LIPA: variants seen among roughly 807,000 people sequenced by gnomAD.
The protein encoded by LIPA is lipase A, lysosomal acid type, also known as lysosomal acid lipase/cholesteryl ester hydrolase.
LIPA carries 26 observed loss-of-function variants against 40.6 expected under a neutral mutation model. The ratio of observed to expected loss-of-function variants is 0.64; its 90% CI spans 0.47 to 0.89. The LOEUF is 0.89. Ranked by LOEUF, LIPA falls within the 40% of genes least tolerant of loss-of-function variation. LIPA has a pLI of 0.00. For missense variants in LIPA, 455 were observed against 479.6 expected (o/e 0.95, Z 0.48); for synonymous variants, 188 against 168.4 (o/e 1.12, Z -0.90).
Position 89,403,107 on chromosome 10 carries a change from T to G in LIPA, c.61+9684A>C, listed in dbSNP as rs761761913. 1.8e-5 allele frequency: 29 copies of G among 1,614,034 alleles called. No homozygotes were observed. Among genetic ancestry groups the G allele is most frequent in the Non-Finnish European group, 2.4e-5 (28 of 1,180,018 alleles). ...AGCTCTTGAGTTATTAAAAAAGGCC[T>G]TGCAGGAAACACCCACTTCTGTCTT... On this transcript the variant is annotated intron_variant, in intron 2 of 8. Transcript: ENST00000371837.
intron 1 of LIPA, among the ~76,000 whole-genome samples, chr10:89,300,579 G>A (rs764873969): frequency 2.0e-5 from 3 of 152,212 alleles, no homozygotes; most frequent in Non-Finnish European, 2.9e-5. Flanking sequence ...AATATTGTGG[G>A]GCTTGGGGAA....
Position 89,241,496 on chromosome 10 carries a change from G to T in LIPA, c.229+4180C>A, listed in dbSNP as rs145790372. Among the ~76,000 whole-genome samples the T allele has an allele frequency of 2.4e-3, 368 of 152,212 alleles. 3 individuals are homozygous for T. Among genetic ancestry groups the T allele is most frequent in the African/African-American group, 8.6e-3 (359 of 41,524 alleles). ...AAAAATAGTTTCTTTAGAAGTGAAGGATTTTTCTATAAGGAAAGAAAAATC... is the reference window on the plus strand; with the variant it reads ...AAAAATAGTTTCTTTAGAAGTGAAGTATTTTTCTATAAGGAAAGAAAAATC... On this transcript the variant is annotated intron_variant, in intron 3 of 9. Coordinates refer to ENST00000336233, the MANE Select transcript of LIPA (RefSeq NM_000235.4).
intron 2 of LIPA, among the ~76,000 whole-genome samples, chr10:89,410,773 C>T (rs188404525): frequency 1.6e-4 from 24 of 152,254 alleles, no homozygotes; most frequent in East Asian, 5.8e-4. Context: ...TTATTGCACG[C>T]GGTGCAAAAA....
intron 1 of LIPA, among the ~76,000 whole-genome samples, chr10:89,299,014 T>C (rs970977914): frequency 6.6e-5 from 10 of 150,734 alleles, no homozygotes; most frequent in African/African-American, 2.4e-4. Flanking sequence ...ATAATATATA[T>C]GTATATATAA....
intron 1 of LIPA, among the ~76,000 whole-genome samples, chr10:89,287,920 A>G (rs984855601): frequency 1.3e-5 from 2 of 151,352 alleles, no homozygotes. Flanking sequence ...TCCCTCCACA[A>G]CCTCTCCACA....
At chr10:89,394,705 T>C (rs940199092) in intron 2 of LIPA, among the ~76,000 whole-genome samples, 4 of 151,122 alleles carry the variant, frequency 2.6e-5, no homozygotes, top group Non-Finnish European at 5.9e-5. Flanking sequence ...TTTATCATTT[T>C]AATTACTTTA....
At chr10:89,400,602 G>T (rs1337760377) in intron 2 of LIPA, among the ~76,000 whole-genome samples, 1 of 152,104 alleles carries the variant, frequency 6.6e-6, no homozygotes. Context: ...ATAGAAATAT[G>T]ACTGATTTTT....
Position 89,247,586 on chromosome 10 carries a change from C to A in LIPA, c.63G>T (p.Gly21=). The change falls in exon 2 of 10, where the codon GGG becomes GGT. Residue 21 remains glycine, a synonymous_variant. Transcript: ENST00000336233. The part of the protein sequence containing the change: ...CLVLWTLHSE[G]SGGKLTAVDP... ...CCACAGCTGTCAGTTTCCCTCCAGA[C>A]CCCTCAGAATGCAGGGTCCAGAGAA... is the stretch of plus-strand genomic sequence containing the variant. The A allele has an allele frequency of 1.2e-6, 2 of 1,613,396 alleles. No homozygotes were observed. The highest frequency in any genetic ancestry group is 1.7e-6 in the Non-Finnish European group (2 of 1,179,530).
chr10:89,393,559 C>T (rs1263004708), intron 2 of LIPA, among the ~76,000 whole-genome samples: 1 of 152,094 alleles, frequency 6.6e-6, no homozygotes, highest in Non-Finnish European at 1.5e-5. Context: ...ATGGTGAAAC[C>T]CCATCTCTAC....
chr10:89,324,475 T>A (rs991939282), intron 1 of LIPA, among the ~76,000 whole-genome samples: 3 of 152,138 alleles, frequency 2.0e-5, no homozygotes, highest in African/African-American at 7.2e-5. Context: ...GATTTCATGA[T>A]GAAGACACCA....
At chr10:89,306,377 G>A in intron 1 of LIPA, 1 of 1,614,180 alleles carries the variant, frequency 6.2e-7, no homozygotes, top group Non-Finnish European at 8.5e-7. Flanking sequence ...GCTTGACTGT[G>A]AGGAAGGGTG....
chr10:89,358,037 GA>G (rs201053047), intron 2 of LIPA, among the ~76,000 whole-genome samples: 5 of 150,814 alleles, frequency 3.3e-5, no homozygotes, highest in African/African-American at 9.7e-5. Context: ...GGATAACTGA[GA>G]AAAAAAAAGA....
chr10:89,374,096 G>GCTTGGGCT (rs1437841053), intron 2 of LIPA, among the ~76,000 whole-genome samples: 1 of 152,210 alleles, frequency 6.6e-6, no homozygotes, highest in Non-Finnish European at 1.5e-5. Context: ...GCCCAAGGTT[G>GCTTGGGCT]TAAACCACTG....
chr10:89,298,486 T>C (rs981516031), intron 1 of LIPA, among the ~76,000 whole-genome samples: 4 of 152,204 alleles, frequency 2.6e-5, no homozygotes, highest in Non-Finnish European at 5.9e-5. Context: ...AGTGCCTTAC[T>C]CAACCAATAT....
At chr10:89,225,044 A>T (rs1842748816) in intron 6 of LIPA, 48 bp downstream of exon 6, 2 of 1,601,174 alleles carry the variant, frequency 1.2e-6, no homozygotes, top group East Asian at 4.5e-5. Context: ...TTCAGATCTC[A>T]GGAGGAAATC....
chr10:89,347,020 TTGACA>T (rs1843927932), upstream of LIPA, among the ~76,000 whole-genome samples: 2 of 152,184 alleles, frequency 1.3e-5, no homozygotes, highest in South Asian at 4.1e-4. Context: ...TTCTAGGAAA[TTGACA>T]TCAGGGTCTC....
At chr10:89,260,332 T>C (rs142777795) in intron 1 of LIPA, among the ~76,000 whole-genome samples, 34 of 152,270 alleles carry the variant, frequency 2.2e-4, no homozygotes, top group African/African-American at 6.3e-4. Context: ...GCCACTCTCC[T>C]AAGGGTTGCA....
chr10:89,358,017 G>A (rs1174467660), intron 2 of LIPA, among the ~76,000 whole-genome samples: 1 of 152,024 alleles, frequency 6.6e-6, no homozygotes, highest in Admixed American at 6.6e-5. Context: ...CTGATATAGT[G>A]TCAGGAGAAG....
chr10:89,246,386 C>T (rs1284933947), intron 2 of LIPA, among the ~76,000 whole-genome samples: 3 of 152,006 alleles, frequency 2.0e-5, no homozygotes, highest in African/African-American at 7.2e-5. Flanking sequence ...TTCAATTATC[C>T]AGGGGATTTA....
Sources: gnomAD v4.1 joint callset for allele counts (sites outside exome capture counted in the v4.1 genomes callset) on GRCh38, gnomAD v4.1.1 for gene constraint, MANE v1.5 for transcripts, NCBI Gene and HGNC (gene_info 2026-07-23, HGNC 2026-07-21) for gene names.